Variants in MBD2 observed in about 807,000 individuals in gnomAD.
MBD2 encodes the protein methyl-CpG-binding domain protein 2.
A neutral mutation model predicts 39.3 loss-of-function variants in MBD2; 9 were observed. The observed-to-expected ratio is 0.23, with a 90% CI of 0.14 to 0.40. The LOEUF (loss-of-function observed/expected upper bound fraction) is 0.40, where lower values mean the gene tolerates loss of function less well. MBD2 is among the 10% of genes least tolerant of loss of function. The probability of loss-of-function intolerance (pLI) is 1.00; values close to 1 mark genes in which losing one functional copy is unlikely to be tolerated. For synonymous variants in MBD2, 233 were observed against 211.1 expected, an observed-to-expected ratio of 1.10 and a Z score of -0.90; for missense variants, 458 against 532.6, an observed-to-expected ratio of 0.86 and a Z score of 1.38.
At chr18:54,222,979 A>C (rs539083029) in intron 1 of MBD2, among the ~76,000 whole-genome samples, 99 of 152,374 alleles carry the variant, frequency 6.5e-4, no homozygotes, top group African/African-American at 2.2e-3. Context: ...ACATTATTAC[A>C]ATAGCTAAAT....
chr18:54,188,748 C>A (rs2086300141), intron 3 of MBD2, 126 bp downstream of exon 3: 2 of 1,006,222 alleles, frequency 2.0e-6, no homozygotes, highest in East Asian at 4.9e-5. Context: ...ATGTAATAGC[C>A]TAGGACATAA....
Position 54,168,598 on chromosome 18 carries a change from T to TATATATATATATATATATAC in MBD2, c.841-2433_841-2432insGTATATATATATATATATAT, listed in dbSNP as rs1491141841. On this transcript the variant is annotated intron_variant, in intron 3 of 6. Coordinates refer to ENST00000256429, the MANE Select transcript of MBD2 (RefSeq NM_003927.5). ...ATATATATATATATATATATATATA[T>TATATATATATATATATATAC]TTATGTATGCATATTTGTGTGTGTG... Among the ~76,000 whole-genome samples the TATATATATATATATATATAC allele has an allele frequency of 1.6e-4, 22 of 136,064 alleles. 2 individuals carry two copies. The highest frequency in any genetic ancestry group is 6.6e-4 in the African/African-American group (22 of 33,166). 89.3% of individuals were successfully genotyped at this position (136,064 alleles called of 152,430 possible).
intron 1 of MBD2, among the ~76,000 whole-genome samples, chr18:54,207,613 GA>G (rs1292538078): frequency 1.3e-5 from 2 of 152,118 alleles, no homozygotes; most frequent in Non-Finnish European, 2.9e-5. Flanking sequence ...ATATGGCAAA[GA>G]ATTTTTAAAA....
At chr18:54,193,099 G>C (rs1246533888) in intron 2 of MBD2, among the ~76,000 whole-genome samples, 1 of 152,176 alleles carries the variant, frequency 6.6e-6, no homozygotes, top group East Asian at 1.9e-4. Context: ...GTTTTCCCAG[G>C]AACTGTCAAA....
chr18:54,177,594 C>T (rs1276951092), intron 3 of MBD2, among the ~76,000 whole-genome samples: 2 of 152,054 alleles, frequency 1.3e-5, no homozygotes, highest in African/African-American at 2.4e-5. Flanking sequence ...CATTCTCCTG[C>T]CTCGGCCTCC....
intron 1 of MBD2, among the ~76,000 whole-genome samples, chr18:54,214,734 TTAGAATTC>T (rs1161715474): frequency 1.8e-5 from 1 of 56,172 alleles, no homozygotes. Context: ...TAGAATTCTT[TTAGAATTC>T]TTTTTTTTTT....
chr18:54,164,724 T>C (rs762340346), intron 4 of MBD2, 24 bp from the exon 5 acceptor site: 2 of 1,581,406 alleles, frequency 1.3e-6, no homozygotes, highest in African/African-American at 1.3e-5. Context: ...CAAGTACTAG[T>C]TAAAGGAAAT....
At chr18:54,160,011 A>G in intron 5 of MBD2, 108 bp from the exon 6 acceptor site, 2 of 1,260,318 alleles carry the variant, frequency 1.6e-6, no homozygotes, top group Non-Finnish European at 2.2e-6. Context: ...TCCTAAGAAG[A>G]ATAGACTTCC....
intron 3 of MBD2, among the ~76,000 whole-genome samples, chr18:54,172,000 A>T (rs2086182529): frequency 6.6e-6 from 1 of 152,228 alleles, no homozygotes; most frequent in African/African-American, 2.4e-5. Flanking sequence ...CAAGCCTCAG[A>T]CACTTCTACT....
chr18:54,164,470 A>G, intron 5 of MBD2, 53 bp downstream of exon 5: 1 of 1,541,464 alleles, frequency 6.5e-7, no homozygotes. Context: ...ACAGTAAAAA[A>G]TTTACCCAAA....
At chr18:54,221,954 C>T (rs2086617225) in intron 1 of MBD2, among the ~76,000 whole-genome samples, 1 of 152,120 alleles carries the variant, frequency 6.6e-6, no homozygotes, top group Non-Finnish European at 1.5e-5. Context: ...AAACATCATC[C>T]CAAAACCAAA....
chr18:54,168,244 T>C (rs1437630320), intron 3 of MBD2, among the ~76,000 whole-genome samples: 1 of 151,786 alleles, frequency 6.6e-6, no homozygotes, highest in African/African-American at 2.4e-5. Context: ...TGTTTTATTC[T>C]ATCATTTTTA....
In MBD2 at chr18:54,169,884, G is replaced by A. The variant is rs76331018; in HGVS notation, c.841-3718C>T. ...TCCCTCTAATCCTCACTAACCAGAC[G>A]CTCTGAGTACATCTAATATCTTGTT... On this transcript the variant is annotated intron_variant, in intron 3 of 6. Coordinates refer to ENST00000256429, the MANE Select transcript of MBD2 (RefSeq NM_003927.5). Among the ~76,000 whole-genome samples, 132 of 152,274 alleles carry A rather than the reference G, an allele frequency of 8.7e-4. 1 individual carries two copies. In the East Asian group the frequency reaches 0.022, roughly 25 times the overall value.
chr18:54,165,945 T>C, intron 4 of MBD2, 131 bp downstream of exon 4: 1 of 610,084 alleles, frequency 1.6e-6, no homozygotes, highest in East Asian at 2.8e-5. Flanking sequence ...AGGTACGTCA[T>C]CCAGCAAGGC....
chr18:54,180,738 CTA>C (rs1005664278), intron 3 of MBD2, among the ~76,000 whole-genome samples: 63 of 151,950 alleles, frequency 4.1e-4, no homozygotes, highest in Non-Finnish European at 7.7e-4. Context: ...TTTAAAAACA[CTA>C]TTCGATTTTT....
intron 1 of MBD2, among the ~76,000 whole-genome samples, chr18:54,214,375 T>C (rs1568094246): frequency 6.6e-6 from 1 of 151,752 alleles, no homozygotes; most frequent in Admixed American, 6.6e-5. Context: ...TTTAAAAATT[T>C]TTTGTAGGGA....
rs1242974487 is a variant in MBD2 at position 54,155,139 on chromosome 18, T to G, written c.*185A>C. On this transcript the variant is annotated 3_prime_UTR_variant, in exon 7 of 7. Transcript: ENST00000256429. ...TCCTAGGACTCAAAATAAACATGAT[T>G]TTTTGAATAATAGATATATACATCA... The G allele has an allele frequency of 1.3e-5, 2 of 152,520 alleles. No homozygotes were observed. The highest frequency in any genetic ancestry group is 2.9e-5 in the Non-Finnish European group (2 of 68,010). 9.4% of individuals were successfully genotyped at this position (152,520 alleles called of 1,614,324 possible). A position where few individuals can be genotyped will look rare whatever the true frequency, so the allele number is the denominator to read the frequency against.
At chr18:54,202,690 T>G in intron 2 of MBD2, 2 of 1,143,322 alleles carry the variant, frequency 1.7e-6, no homozygotes, top group East Asian at 6.7e-5. Context: ...TAATGTACGG[T>G]ATAATTTATT....
chr18:54,218,297 C>T (rs1001914635), intron 1 of MBD2, among the ~76,000 whole-genome samples: 6 of 152,220 alleles, frequency 3.9e-5, no homozygotes, highest in African/African-American at 1.4e-4. Context: ...ACATTTTTTT[C>T]CCCTCCAGGA....
Sources: gnomAD v4.1 joint callset for allele counts (sites outside exome capture counted in the v4.1 genomes callset) on GRCh38, gnomAD v4.1.1 for gene constraint, MANE v1.5 for transcripts, NCBI Gene and HGNC (gene_info 2026-07-23, HGNC 2026-07-21) for gene names.